Variants in SNX10 observed in about 807,000 individuals in gnomAD.
SNX10 encodes sorting nexin 10.
A neutral mutation model predicts 28.5 loss-of-function variants in SNX10; 25 were observed. That is an observed-to-expected ratio of 0.88 (90% CI 0.64 to 1.22). The LOEUF (loss-of-function observed/expected upper bound fraction) is 1.22, where lower values mean the gene tolerates loss of function less well. Among genes scored for constraint, SNX10 ranks in the 50% most tolerant of loss-of-function variants. SNX10 has a pLI of 0.00. For synonymous variants in SNX10, 62 were observed against 81.4 expected, an observed-to-expected ratio of 0.76 and a Z score of 1.28; for missense variants, 223 against 242.6, an observed-to-expected ratio of 0.92 and a Z score of 0.54.
In SNX10 at chr7:26,372,967, G is replaced by A. The variant is rs577065360; in HGVS notation, c.*395G>A. ...AGTGGGGCAGTGTTACCATAAACAC[G>A]GTGTATATGTTGTTAAACCCTATGA... On this transcript the variant is annotated 3_prime_UTR_variant, in exon 7 of 7. Coordinates refer to ENST00000338523, the MANE Select transcript of SNX10 (RefSeq NM_013322.3). The A allele has an allele frequency of 1.1e-5, 2 of 181,238 alleles. No individual in the cohort carries two copies. The highest frequency in any genetic ancestry group is 1.5e-4 in the East Asian group (1 of 6,642). The allele number at this position is 181,238 out of a possible 1,614,324, so 11.2% of individuals were successfully genotyped here.
chr7:26,301,331 T>C (rs2127993794), intron 1 of SNX10, among the ~76,000 whole-genome samples: 1 of 152,326 alleles, frequency 6.6e-6, no homozygotes, highest in East Asian at 1.9e-4. Context: ...CTTGATTTTT[T>C]CTTTTCCCTA....
At chr7:26,372,106 G>A (rs1789574640) in intron 6 of SNX10, 73 bp downstream of exon 6, 2 of 939,318 alleles carry the variant, frequency 2.1e-6, no homozygotes, top group Non-Finnish European at 3.2e-6. Flanking sequence ...CACGTGTATA[G>A]ATATATATAC....
intron 1 of SNX10, among the ~76,000 whole-genome samples, chr7:26,314,697 G>A (rs1040183401): frequency 1.3e-5 from 2 of 151,836 alleles, no homozygotes; most frequent in African/African-American, 2.4e-5. Context: ...TCTGCATAAA[G>A]TATTTTAAGA....
At chr7:26,340,153 A>G (rs1788127554) in intron 1 of SNX10, among the ~76,000 whole-genome samples, 1 of 152,196 alleles carries the variant, frequency 6.6e-6, no homozygotes, top group Admixed American at 6.5e-5. Context: ...CCATAGGCAT[A>G]TAGACCAAGC....
At chr7:26,292,572 A>T (rs1308485473) in intron 1 of SNX10, among the ~76,000 whole-genome samples, 1 of 152,114 alleles carries the variant, frequency 6.6e-6, no homozygotes, top group African/African-American at 2.4e-5. Context: ...GCCCAGGGGA[A>T]AATCCATATA....
chr7:26,332,399 C>T (rs186697863), intron 1 of SNX10, among the ~76,000 whole-genome samples: 12 of 152,242 alleles, frequency 7.9e-5, no homozygotes, highest in Non-Finnish European at 1.6e-4. Flanking sequence ...AGAAATTGCT[C>T]AGGATACTTT....
At chr7:26,335,899 G>A (rs1349657719) in intron 1 of SNX10, among the ~76,000 whole-genome samples, 10 of 151,256 alleles carry the variant, frequency 6.6e-5, no homozygotes, top group African/African-American at 9.7e-5. Context: ...GCCCGCCACT[G>A]CGCCCGGCTA....
intron 1 of SNX10, among the ~76,000 whole-genome samples, chr7:26,308,567 TC>T (rs1786685093): frequency 6.6e-6 from 1 of 152,180 alleles, no homozygotes; most frequent in South Asian, 2.1e-4. Flanking sequence ...ACGTGGAGGT[TC>T]CTGGGGGGTG....
intron 1 of SNX10, among the ~76,000 whole-genome samples, chr7:26,342,931 C>G (rs554842551): frequency 6.6e-6 from 1 of 152,252 alleles, no homozygotes; most frequent in East Asian, 1.9e-4. Flanking sequence ...CTCAGCCTCC[C>G]AAGTAGTAGC....
intron 1 of SNX10, among the ~76,000 whole-genome samples, chr7:26,305,140 G>GT (rs1187405519): frequency 1.3e-5 from 2 of 152,284 alleles, no homozygotes; most frequent in Non-Finnish European, 2.9e-5. Flanking sequence ...GGAGTCCCCT[G>GT]TGGGGCTCCT....
At chr7:26,300,832 A>C (rs1023758082) in intron 1 of SNX10, among the ~76,000 whole-genome samples, 2 of 152,036 alleles carry the variant, frequency 1.3e-5, no homozygotes, top group Non-Finnish European at 2.9e-5. Flanking sequence ...CAGCCTGGCC[A>C]ACATGGCGAA....
Position 26,347,864 on chromosome 7 carries a change from A to G in SNX10, c.24+1398A>G, listed in dbSNP as rs77020612. Among the ~76,000 whole-genome samples the G allele has an allele frequency of 4.5e-3, 683 of 152,264 alleles. 4 individuals are homozygous for G. Among genetic ancestry groups the G allele is most frequent in the African/African-American group, 0.016 (654 of 41,544 alleles). ...GACTCTGTCTCAGAAAAAACCCACAAAAAACAAAAAAATTGGGCTATAATA... is the reference window on the plus strand; with the variant it reads ...GACTCTGTCTCAGAAAAAACCCACAGAAAACAAAAAAATTGGGCTATAATA... On this transcript the variant is annotated intron_variant, in intron 2 of 6. Transcript: ENST00000338523.
intron 1 of SNX10, among the ~76,000 whole-genome samples, chr7:26,314,259 G>A (rs984909383): frequency 8.7e-6 from 1 of 115,226 alleles, no homozygotes; most frequent in Non-Finnish European, 1.9e-5. Context: ...TGTGCCTACT[G>A]TTCAATTTTT....
chr7:26,304,999 T>G (rs561811246), intron 1 of SNX10, among the ~76,000 whole-genome samples: 4 of 152,210 alleles, frequency 2.6e-5, no homozygotes. Context: ...AGGGGGTGGA[T>G]GGGGGAGGCC....
At position 26,329,430 on chromosome 7, in the gene SNX10, C is replaced by T. The variant is rs111956611; in HGVS notation, c.-23-16990C>T. Among the ~76,000 whole-genome samples, 325 of 152,292 alleles carry T rather than the reference C, an allele frequency of 2.1e-3. 1 individual carries two copies. The highest frequency in any genetic ancestry group is 7.4e-3 in the African/African-American group (309 of 41,536). On this transcript the variant is annotated intron_variant, in intron 1 of 6. Transcript: ENST00000338523. ...CACCCACATATGAAGTAGTCCTCAC[C>T]GAGTCCTGGTAGTCACTCTCAAAAA...
chr7:26,342,021 C>T (rs1486519910), intron 1 of SNX10, among the ~76,000 whole-genome samples: 7 of 105,862 alleles, frequency 6.6e-5, no homozygotes, highest in African/African-American at 1.6e-4. Flanking sequence ...TCTTTCCTTT[C>T]TTCTTTCTTT....
intron 2 of SNX10, among the ~76,000 whole-genome samples, chr7:26,347,927 A>G (rs1788452217): frequency 7.0e-6 from 1 of 143,556 alleles, no homozygotes; most frequent in Admixed American, 7.0e-5. Context: ...AATCTTATGT[A>G]TGTAGCTCAA....
intron 1 of SNX10, among the ~76,000 whole-genome samples, chr7:26,304,643 AGTT>A (rs1034354026): frequency 6.1e-4 from 93 of 152,296 alleles, no homozygotes; most frequent in Middle Eastern, 3.4e-3. Context: ...TATCAACTGC[AGTT>A]GTTTGTTTCA....
At chr7:26,299,574 G>A (rs1055410240) in intron 1 of SNX10, among the ~76,000 whole-genome samples, 9 of 151,804 alleles carry the variant, frequency 5.9e-5, no homozygotes, top group Admixed American at 5.2e-4. Flanking sequence ...GGGATTACAG[G>A]TGAGCACCAC....
Sources: allele counts gnomAD v4.1 joint callset (sites outside exome capture counted in the v4.1 genomes callset), GRCh38; gene constraint gnomAD v4.1.1; transcripts MANE v1.5; gene names NCBI Gene and HGNC (gene_info 2026-07-23, HGNC 2026-07-21).